OPCML: variants seen among roughly 807,000 people sequenced by gnomAD.
The protein encoded by OPCML is opioid binding protein/cell adhesion molecule like, also known as opioid-binding protein/cell adhesion molecule.
In OPCML, 13 loss-of-function variants were observed where a neutral mutation model predicts 37.8. That is an observed-to-expected ratio of 0.34 (90% CI 0.22 to 0.55). The LOEUF is 0.55. OPCML is among the 20% of genes least tolerant of loss of function. The probability of loss-of-function intolerance (pLI) is 0.91; values close to 1 mark genes in which losing one functional copy is unlikely to be tolerated. For synonymous variants in OPCML, 176 were observed against 168.8 expected (o/e 1.04, Z -0.33); for missense variants, 341 against 435.6 (o/e 0.78, Z 1.93).
chr11:132,651,303 A>C (rs948694832), intron 3 of OPCML, among the ~76,000 whole-genome samples: 18 of 152,122 alleles, frequency 1.2e-4, no homozygotes, highest in Non-Finnish European at 2.1e-4. Flanking sequence ...ATCACTTCCA[A>C]GTCTCTGAAT....
chr11:132,836,994 A>G (rs981043675), intron 2 of OPCML, among the ~76,000 whole-genome samples: 1 of 152,214 alleles, frequency 6.6e-6, no homozygotes, highest in Non-Finnish European at 1.5e-5. Flanking sequence ...TGAGACCAAA[A>G]AACGAGAAGT....
At chr11:132,612,055 T>G (rs746942110) in intron 3 of OPCML, among the ~76,000 whole-genome samples, 18 of 152,184 alleles carry the variant, frequency 1.2e-4, no homozygotes, top group Admixed American at 3.9e-4. Context: ...TTCCTTCAAG[T>G]TTTTCTATAA....
At chr11:133,249,999 A>G (rs1381403979) in intron 1 of OPCML, among the ~76,000 whole-genome samples, 1 of 152,226 alleles carries the variant, frequency 6.6e-6, no homozygotes, top group Admixed American at 6.5e-5. Context: ...AACAACCCCC[A>G]GAAACTCAAC....
Position 133,045,835 on chromosome 11 carries a change from G to C in OPCML, c.62-102825C>G, listed in dbSNP as rs115994196. Among the ~76,000 whole-genome samples the C allele has an allele frequency of 3.3e-3, 503 of 152,348 alleles. 3 individuals are homozygous for C. Among genetic ancestry groups the C allele is most frequent in the African/African-American group, 0.011 (470 of 41,578 alleles). On this transcript the variant is annotated intron_variant, in intron 1 of 7. Transcript: ENST00000524381. ...ATAATGGTTAGACAGCCTGCCAAGG[G>C]AAGGCTTCTTCTCAAAGTAACTTGC...
rs982979867 is a variant in OPCML, at chr11:133,208,274, G to C, written c.62-265264C>G. Among the ~76,000 whole-genome samples, 3 of 152,090 alleles carry C rather than the reference G, an allele frequency of 2.0e-5. No individual in the cohort carries two copies. Among genetic ancestry groups the C allele is most frequent in the Admixed American group, 2.0e-4 (3 of 15,276 alleles). ...TTGCACTGTATTGTTGTATTACCAC[G>C]TATAAATACCAGTGAGTGAATGAAT... On this transcript the variant is annotated intron_variant, in intron 1 of 7. Transcript: ENST00000524381. The surrounding 1 kb of genome is among the most constrained non-coding windows in gnomAD (Gnocchi z 8.9).
intron 1 of OPCML, among the ~76,000 whole-genome samples, chr11:133,252,068 C>G (rs568281939): frequency 6.6e-6 from 1 of 151,540 alleles, no homozygotes; most frequent in South Asian, 2.1e-4. Context: ...AGAGGGATAC[C>G]AAAAAAAGGC....
intron 1 of OPCML, among the ~76,000 whole-genome samples, chr11:133,154,558 T>C (rs1331636543): frequency 6.6e-6 from 1 of 151,098 alleles, no homozygotes; most frequent in East Asian, 1.9e-4. Flanking sequence ...CATTAAAAAA[T>C]AATAATAATA....
In OPCML at chr11:132,829,785, C is replaced by A. The variant is rs1218223022; in HGVS notation, c.146+113141G>T. On this transcript the variant is annotated intron_variant, in intron 2 of 7. Transcript: ENST00000524381. ...TCAAAATCCATCAGGTAAAAACCTT[C>A]CTCTTTTAGAATTAAAGTTCACAGA... is the stretch of plus-strand genomic sequence containing the variant. Among the ~76,000 whole-genome samples, 3 of 152,270 alleles carry A rather than the reference C, an allele frequency of 2.0e-5. No individual in the cohort carries two copies. The East Asian group carries it at 5.8e-4, about 29-fold the overall frequency.
At chr11:133,483,726 T>C (rs1346205664) in intron 1 of OPCML, among the ~76,000 whole-genome samples, 1 of 143,418 alleles carries the variant, frequency 7.0e-6, no homozygotes, top group African/African-American at 2.5e-5. Flanking sequence ...ATAGATAAAA[T>C]AGGCAGATTA....
chr11:132,867,460 T>C (rs1344888250), intron 2 of OPCML, among the ~76,000 whole-genome samples: 2 of 152,292 alleles, frequency 1.3e-5, no homozygotes, highest in Non-Finnish European at 2.9e-5. Context: ...AAAATGTTTG[T>C]TTTGTTTTGG....
At chr11:132,912,732 T>C (rs181044160) in intron 2 of OPCML, among the ~76,000 whole-genome samples, 42 of 152,352 alleles carry the variant, frequency 2.8e-4, no homozygotes, top group African/African-American at 1.0e-3. Flanking sequence ...CTTTTTGTTT[T>C]TGTCTTTGAC....
At chr11:132,510,031 G>A (rs2096265509) in intron 4 of OPCML, among the ~76,000 whole-genome samples, 1 of 152,168 alleles carries the variant, frequency 6.6e-6, no homozygotes, top group African/African-American at 2.4e-5. Flanking sequence ...ACCCACAGAG[G>A]CAGAGCTGCC....
intron 4 of OPCML, among the ~76,000 whole-genome samples, chr11:132,450,367 A>G (rs528483321): frequency 6.6e-6 from 1 of 152,318 alleles, no homozygotes; most frequent in East Asian, 1.9e-4. Flanking sequence ...GCAGGCCTGG[A>G]CTGCAGGATC....
chr11:133,139,586 C>T (rs1344668445), intron 1 of OPCML, among the ~76,000 whole-genome samples: 3 of 152,130 alleles, frequency 2.0e-5, no homozygotes, highest in African/African-American at 7.2e-5. Context: ...GGTTCTGACA[C>T]TTAGAAATGG....
chr11:132,745,563 CAAAAAAAAAAAA>C (rs10562857), intron 2 of OPCML, among the ~76,000 whole-genome samples: 3 of 102,982 alleles, frequency 2.9e-5, no homozygotes, highest in Non-Finnish European at 5.7e-5. Context: ...TGCTGTCTTG[CAAAAAAAAAAAA>C]AAAAAAAAGA....
At chr11:133,360,481 G>A (rs1226608517) in intron 1 of OPCML, 1 of 152,244 alleles carries the variant, frequency 6.6e-6, no homozygotes, top group East Asian at 1.9e-4. Flanking sequence ...TTGGAGCCAA[G>A]AGACGGAGAG....
At chr11:132,453,419 A>G (rs1438606301) in intron 4 of OPCML, among the ~76,000 whole-genome samples, 1 of 152,210 alleles carries the variant, frequency 6.6e-6, no homozygotes, top group African/African-American at 2.4e-5. Flanking sequence ...GGTGACTACA[A>G]AGACCATCCA....
In OPCML at chr11:133,122,332, T is replaced by G. The variant is rs1456022359; in HGVS notation, c.62-179322A>C. On this transcript the variant is annotated intron_variant, in intron 1 of 7. Transcript: ENST00000524381. ...GCTAATCTTCTTGGGACTTCCTGTT[T>G]TTAATCCATAGTAAGAGTGGTAGGG... Among the ~76,000 whole-genome samples, 8 of 151,590 alleles carry G rather than the reference T, an allele frequency of 5.3e-5. No individual in the cohort carries two copies. In the East Asian group the frequency reaches 1.5e-3, roughly 29 times the overall value.
At chr11:133,337,921 G>A (rs1236714601) in intron 1 of OPCML, among the ~76,000 whole-genome samples, 1 of 151,942 alleles carries the variant, frequency 6.6e-6, no homozygotes, top group Non-Finnish European at 1.5e-5. Flanking sequence ...ATTTCCAAGT[G>A]GTTTCTGTCT....
Sources: allele counts gnomAD v4.1 joint callset (sites outside exome capture counted in the v4.1 genomes callset), GRCh38; gene constraint gnomAD v4.1.1; non-coding constraint Gnocchi (gnomAD v3.1); transcripts MANE v1.5; gene names NCBI Gene and HGNC (gene_info 2026-07-23, HGNC 2026-07-21).